The following RNF31 variants were observed in gnomAD, a reference collection of about 807,000 sequenced individuals.
The protein encoded by RNF31 is ring finger protein 31.
A neutral mutation model predicts 133.6 loss-of-function variants in RNF31; 38 were observed. That is an observed-to-expected ratio of 0.28 (90% CI 0.22 to 0.37). RNF31 has a LOEUF of 0.37. Ranked by LOEUF, RNF31 falls within the 10% of genes least tolerant of loss-of-function variation. RNF31 has a pLI of 1.00. For synonymous variants in RNF31, 582 were observed against 552.3 expected (o/e 1.05, Z -0.75); for missense variants, 1,118 against 1,394.1 (o/e 0.80, Z 3.15).
In RNF31 at chr14:24,151,788, C is replaced by G. The variant is rs1319952239; in HGVS notation, c.1926C>G (p.Ser642Arg). 11 of 1,608,090 alleles carry G rather than the reference C, an allele frequency of 6.8e-6. No homozygotes were observed. The highest frequency in any genetic ancestry group is 8.5e-6 in the Non-Finnish European group (10 of 1,176,588). The change falls in exon 11 of 21, where the codon AGC becomes AGG. Residue 642 changes from serine to arginine, a missense_variant and splice_region_variant. By Grantham distance (110) the Ser-to-Arg change is moderately radical (BLOSUM62 -1). This residue lies in a region of RNF31 where 747 missense variants were observed against 827.9 expected (regional missense o/e 0.90). Coordinates refer to ENST00000324103, the MANE Select transcript of RNF31 (RefSeq NM_017999.5). The surrounding 1 kb of genome is among the most constrained non-coding windows in gnomAD (Gnocchi z 5.3). ...CCTCCACCTGAATCATATTGCAGAG[C>G]CTGGTCAGGCGGCTTTTGGCAGTCT... ...TPSWDGPDKQSLVRRLLAVYA... is the reference protein window; with the variant it reads ...TPSWDGPDKQRLVRRLLAVYA...
intron 11 of RNF31, among the ~76,000 whole-genome samples, chr14:24,154,498 G>A (rs1317334308): frequency 6.6e-6 from 1 of 152,164 alleles, no homozygotes; most frequent in African/African-American, 2.4e-5. Context: ...GGCTGGTCTC[G>A]AACTCCTAGC....
intron 18 of RNF31, among the ~76,000 whole-genome samples, chr14:24,158,406 G>A (rs192539455): frequency 7.2e-5 from 11 of 152,344 alleles, no homozygotes; most frequent in African/African-American, 2.4e-4. Context: ...CATCTTTAAA[G>A]AACCTGGTAC....
chr14:24,154,890 C>A, intron 11 of RNF31: 2 of 494,302 alleles, frequency 4.0e-6, no homozygotes, highest in Non-Finnish European at 7.2e-6. Context: ...TCATTTCAAG[C>A]ATGTTATTTG....
chr14:24,150,023 T>C, intron 6 of RNF31, 38 bp from the exon 7 acceptor site: 1 of 1,518,778 alleles, frequency 6.6e-7, no homozygotes, highest in Non-Finnish European at 8.8e-7. Flanking sequence ...AGGCACCAGG[T>C]GCCACTTCAG....
In RNF31 at chr14:24,150,741, C is replaced by A. The variant is rs1483201476; in HGVS notation, c.1341C>A (p.Pro447=). 2 of 1,613,496 alleles carry A rather than the reference C, an allele frequency of 1.2e-6. No individual in the cohort carries two copies. The highest frequency in any genetic ancestry group is 2.7e-5 in the African/African-American group (2 of 74,762). ...SPIPAQHAPR[P]YASSLEKGPP... ...TTCCAGCACAACATGCCCCCCGGCC[C>A]TATGCCAGCTCTTTGGAAAAGGGAC... The change falls in exon 8 of 21, where the codon CCC becomes CCA. Residue 447 remains proline (P), a synonymous_variant. Coordinates refer to ENST00000324103, the MANE Select transcript of RNF31 (RefSeq NM_017999.5).
At position 24,147,568 on chromosome 14, in the gene RNF31, C is replaced by T; in HGVS notation, c.-131C>T. 1.3e-6 allele frequency: 1 copy of T among 750,934 alleles called. No individual in the cohort carries two copies. Among genetic ancestry groups the T allele is most frequent in the Non-Finnish European group, 1.9e-6 (1 of 520,606 alleles). 46.5% of individuals were successfully genotyped at this position (750,934 alleles called of 1,614,324 possible). On this transcript the variant is annotated 5_prime_UTR_variant, in exon 1 of 21. Coordinates refer to ENST00000324103, the MANE Select transcript of RNF31 (RefSeq NM_017999.5). ...TGGAGAGTGACCGTGGTCTGAGTGA[C>T]CTGGGGCGGCTGCGTGGGCCGGGGT... is the stretch of plus-strand genomic sequence containing the variant.
chr14:24,150,732 C>T lies in RNF31; in HGVS notation c.1332C>T (p.Ala444=). 1 of 1,612,616 alleles carries T rather than the reference C, an allele frequency of 6.2e-7. No homozygotes were observed. The highest frequency in any genetic ancestry group is 8.5e-7 in the Non-Finnish European group (1 of 1,179,518). ...GTAGCCCCATTCCAGCACAACATGC[C>T]CCCCGGCCCTATGCCAGCTCTTTGG... is the stretch of plus-strand genomic sequence containing the variant. ...RTSSPIPAQH[A]PRPYASSLEK... Residue 444 remains alanine (A), a synonymous_variant, in exon 8 of 21, where the codon GCC becomes GCT. Transcript: ENST00000324103.
chr14:24,147,655 G>A lies in RNF31; in HGVS notation c.-44G>A. On this transcript the variant is annotated 5_prime_UTR_variant, in exon 1 of 21. Coordinates refer to ENST00000324103, the MANE Select transcript of RNF31 (RefSeq NM_017999.5). ...GCTCGGGCCGCGCGCTGCCCGCGCC[G>A]GGTCCTGGCGGGCGGCGAGGCTGGG... 3 of 1,362,016 alleles carry A rather than the reference G, an allele frequency of 2.2e-6. No homozygotes were observed. Among genetic ancestry groups the A allele is most frequent in the Non-Finnish European group, 1.9e-6 (2 of 1,063,396 alleles). The allele number at this position is 1,362,016 out of a possible 1,614,324, so 84.4% of individuals were successfully genotyped here. A position where few individuals can be genotyped will look rare whatever the true frequency, so the allele number is the denominator to read the frequency against.
At chr14:24,158,482 C>T (rs1422836848) in intron 18 of RNF31, 1 of 497,594 alleles carries the variant, frequency 2.0e-6, no homozygotes, top group Non-Finnish European at 3.6e-6. Flanking sequence ...TTAATTAGTT[C>T]AATGAGTGTT....
At position 24,148,792 on chromosome 14, in the gene RNF31, C is replaced by T. The variant is rs754714797; in HGVS notation, c.556-9C>T. On this transcript the variant is annotated splice_polypyrimidine_tract_variant and intron_variant, in intron 4 of 20. Transcript: ENST00000324103. ...AACCCTTATTCATTCCCTGCCCTTT[C>T]TTTTTCAGATGCTGCAGCTTTCAGA... The T allele has an allele frequency of 4.9e-5, 79 of 1,614,126 alleles. No individual in the cohort carries two copies. The highest frequency in any genetic ancestry group is 1.1e-4 in the East Asian group (5 of 44,874).
intron 18 of RNF31, among the ~76,000 whole-genome samples, chr14:24,159,190 C>CA (rs1214857285): frequency 6.8e-6 from 1 of 147,856 alleles, no homozygotes; most frequent in Non-Finnish European, 1.5e-5. Context: ...ACTAAAAATA[C>CA]AAAAAAATTA....
Position 24,155,665 on chromosome 14 carries a change from G to A in RNF31, c.2466G>A (p.Gln822=). ...AGGCAACTTGTCCCCAGTGTCACCA[G>A]ACCTTCTGTGTGCGCTGCAAGCGCC... ...QLEATCPQCH[Q]TFCVRCKRQW... is the part of the protein sequence containing the mutation. Residue 822 remains glutamine, a synonymous_variant, in exon 14 of 21, where the codon CAG becomes CAA. Coordinates refer to ENST00000324103, the MANE Select transcript of RNF31 (RefSeq NM_017999.5). This position sits in a 1 kb window ranked among gnomAD's most constrained non-coding sequence, Gnocchi z 4.9. 1 of 1,614,156 alleles carries A rather than the reference G, an allele frequency of 6.2e-7. No homozygotes were observed. The highest frequency in any genetic ancestry group is 8.5e-7 in the Non-Finnish European group (1 of 1,180,024).
intron 14 of RNF31, among the ~76,000 whole-genome samples, 163 bp from the exon 15 acceptor site, chr14:24,157,127 T>C (rs949109642): frequency 1.7e-4 from 26 of 152,202 alleles, no homozygotes; most frequent in Non-Finnish European, 3.7e-4. Flanking sequence ...TAGGAGAAAA[T>C]GAAAGGACCA....
At chr14:24,154,174 T>C (rs1031674785) in intron 11 of RNF31, among the ~76,000 whole-genome samples, 2 of 152,084 alleles carry the variant, frequency 1.3e-5, no homozygotes, top group Admixed American at 1.3e-4. Context: ...TTTTTTTTTT[T>C]GAGACAGAGT....
Position 24,151,463 on chromosome 14 carries a change from C to T in RNF31, c.1738-22C>T. The T allele has an allele frequency of 6.2e-7, 1 of 1,613,802 alleles. No individual in the cohort carries two copies. The highest frequency in any genetic ancestry group is 8.5e-7 in the Non-Finnish European group (1 of 1,179,690). ...TTGCTTGCTTTCCCACTTCATTCCC[C>T]CTTGCCACTCCCATCTTGCAGGTGC... On this transcript the variant is annotated intron_variant, in intron 9 of 20. Transcript: ENST00000324103. The surrounding 1 kb of genome is among the most constrained non-coding windows in gnomAD (Gnocchi z 5.3).
At position 24,155,174 on chromosome 14, in the gene RNF31, C is replaced by T. The variant is rs2139087372; in HGVS notation, c.2148C>T (p.Ser716=). The T allele has an allele frequency of 6.2e-7, 1 of 1,614,140 alleles. No individual in the cohort carries two copies. Among genetic ancestry groups the T allele is most frequent in the Non-Finnish European group, 8.5e-7 (1 of 1,180,014 alleles). ...CCCTCCAGATGCAGGCCCTGACTTC[C>T]TGTGAGTGCACCATCTGTCCTGACT... ...LPHNRMQALT[S]CECTICPDCF... The change falls in exon 12 of 21, where the codon TCC becomes TCT. Residue 716 remains serine (S), a synonymous_variant. Transcript: ENST00000324103. This position sits in a 1 kb window ranked among gnomAD's most constrained non-coding sequence, Gnocchi z 4.9.
rs201014170 is a variant in RNF31, at chr14:24,151,798, C to T, written c.1936C>T (p.Arg646Trp). 166 of 1,609,378 alleles carry T rather than the reference C, an allele frequency of 1.0e-4. No individual in the cohort carries two copies. Among genetic ancestry groups the T allele is most frequent in the Middle Eastern group, 4.9e-4 (3 of 6,062 alleles). ...DGPDKQSLVR[R>W]LLAVYALPSW... ...AATCATATTGCAGAGCCTGGTCAGG[C>T]GGCTTTTGGCAGTCTACGCACTCCC... The change falls in exon 11 of 21, where the codon CGG becomes TGG. Residue 646 changes from arginine to tryptophan, a missense_variant. Physicochemically the swap from Arg to Trp is moderately radical, Grantham distance 101 (BLOSUM62 -3). This residue lies in a region of RNF31 where 747 missense variants were observed against 827.9 expected (regional missense o/e 0.90). Transcript: ENST00000324103. This position sits in a 1 kb window ranked among gnomAD's most constrained non-coding sequence, Gnocchi z 5.3.
At chr14:24,158,906 G>A (rs1022153043) in intron 18 of RNF31, among the ~76,000 whole-genome samples, 38 of 151,592 alleles carry the variant, frequency 2.5e-4, no homozygotes, top group South Asian at 8.3e-4. Context: ...GGTGGCGGGC[G>A]CCTGTAGTCC....
chr14:24,151,640 C>T lies in RNF31; in HGVS notation c.1893C>T (p.Pro631=). 6.2e-7 allele frequency: 1 copy of T among 1,612,424 alleles called. No individual in the cohort carries two copies. Among genetic ancestry groups the T allele is most frequent in the Non-Finnish European group, 8.5e-7 (1 of 1,180,002 alleles). The change falls in exon 10 of 21, where the codon CCC becomes CCT. Residue 631 remains proline (P), a synonymous_variant. Coordinates refer to ENST00000324103, the MANE Select transcript of RNF31 (RefSeq NM_017999.5). This position sits in a 1 kb window ranked among gnomAD's most constrained non-coding sequence, Gnocchi z 5.3. ...RQRLWDSGPE[P]TPSWDGPDKQ... Reference sequence around the variant, plus strand: ...GCCTCTGGGACAGTGGCCCTGAGCCCACCCCTTCCTGGGATGGGCCAGACA... The same window carrying T: ...GCCTCTGGGACAGTGGCCCTGAGCCTACCCCTTCCTGGGATGGGCCAGACA...
Sources: allele counts gnomAD v4.1 joint callset (sites outside exome capture counted in the v4.1 genomes callset), GRCh38; gene constraint gnomAD v4.1.1; regional missense constraint gnomAD v4.1.1; non-coding constraint Gnocchi (gnomAD v3.1); transcripts MANE v1.5; gene names NCBI Gene and HGNC (gene_info 2026-07-23, HGNC 2026-07-21).